NPSR1: variants seen among roughly 807,000 people sequenced by gnomAD.
NPSR1 encodes the protein neuropeptide S receptor 1.
Under a neutral mutation model 46.9 loss-of-function variants are expected in NPSR1, and 48 were observed. The ratio of observed to expected loss-of-function variants is 1.02; its 90% CI spans 0.81 to 1.30. NPSR1 has a LOEUF of 1.30. Ranked by LOEUF, NPSR1 falls within the 50% of genes most tolerant of loss-of-function variation. The probability of loss-of-function intolerance (pLI) is 0.00; values close to 1 mark genes in which losing one functional copy is unlikely to be tolerated. For missense variants in NPSR1, 450 were observed against 449.5 expected, an observed-to-expected ratio of 1.00 and a Z score of -0.01; for synonymous variants, 176 against 168.1, an observed-to-expected ratio of 1.05 and a Z score of -0.36.
intron 2 of NPSR1, among the ~76,000 whole-genome samples, chr7:34,744,412 G>T (rs1785105282): frequency 6.6e-6 from 1 of 152,060 alleles, no homozygotes; most frequent in Non-Finnish European, 1.5e-5. Context: ...CTAACCTTGT[G>T]TCTGGTAGCA....
chr7:34,689,861 T>C (rs1793156507), intron 2 of NPSR1, among the ~76,000 whole-genome samples: 1 of 150,970 alleles, frequency 6.6e-6, no homozygotes, highest in Admixed American at 6.6e-5. Flanking sequence ...GGGAGAATTA[T>C]TGGTGCCCAG....
chr7:34,787,146 C>A (rs1028980712), intron 3 of NPSR1, among the ~76,000 whole-genome samples: 2 of 152,114 alleles, frequency 1.3e-5, no homozygotes, highest in African/African-American at 4.8e-5. Flanking sequence ...CTGTAGCCAC[C>A]TTCATCAGTT....
chr7:34,841,399 C>T (rs1215251576), intron 6 of NPSR1, among the ~76,000 whole-genome samples: 1 of 152,182 alleles, frequency 6.6e-6, no homozygotes, highest in Non-Finnish European at 1.5e-5. Context: ...CAGCATGTGT[C>T]CCCATTAGGG....
intron 8 of NPSR1, chr7:34,849,312 C>A: frequency 6.5e-7 from 1 of 1,527,250 alleles, no homozygotes; most frequent in Non-Finnish European, 8.9e-7. Context: ...GCTTCTTCAT[C>A]TGTAAAACAG....
intron 8 of NPSR1, among the ~76,000 whole-genome samples, chr7:34,861,632 C>T (rs754432461): frequency 6.6e-6 from 1 of 151,720 alleles, no homozygotes; most frequent in Non-Finnish European, 1.5e-5. Context: ...GAGTAGATAC[C>T]AATAAATATT....
chr7:34,770,015 T>C (rs900680119), intron 2 of NPSR1, among the ~76,000 whole-genome samples: 1 of 152,212 alleles, frequency 6.6e-6, no homozygotes, highest in Non-Finnish European at 1.5e-5. Context: ...ATTTGCTTAA[T>C]AGCAACTAAC....
At position 34,751,535 on chromosome 7, in the gene NPSR1, C is replaced by G; in HGVS notation, c.281-26927C>G. The G allele has an allele frequency of 5.7e-6, 9 of 1,570,764 alleles. 1 individual carries two copies. The South Asian group carries it at 1.0e-4, about 17-fold the overall frequency. On this transcript the variant is annotated intron_variant, in intron 2 of 8. Transcript: ENST00000360581. The stretch of plus-strand genomic sequence containing the variant: ...CCCAGCTCCTCCTCCATAGTGGTCT[C>G]GAAACTTGTATTCTTCTCCTTGGGA...
chr7:34,849,184 A>G, intron 8 of NPSR1: 1 of 646,888 alleles, frequency 1.5e-6, no homozygotes, highest in Non-Finnish European at 2.7e-6. Context: ...TAGGAGATAC[A>G]AGAGGAGAAT....
chr7:34,701,288 G>A (rs984005996), intron 2 of NPSR1, among the ~76,000 whole-genome samples: 10 of 152,146 alleles, frequency 6.6e-5, no homozygotes, highest in African/African-American at 2.4e-4. Context: ...CTCTCCCTGG[G>A]AGTTTTATTA....
At chr7:34,809,609 G>A (rs942919909) in intron 3 of NPSR1, among the ~76,000 whole-genome samples, 5 of 151,004 alleles carry the variant, frequency 3.3e-5, no homozygotes, top group Non-Finnish European at 7.4e-5. Context: ...GACTACAGGC[G>A]CCCGCCACTA....
At chr7:34,829,396 A>G (rs756405168) in intron 5 of NPSR1, among the ~76,000 whole-genome samples, 7 of 152,156 alleles carry the variant, frequency 4.6e-5, no homozygotes, top group Non-Finnish European at 8.8e-5. Flanking sequence ...GAAGGAGAAA[A>G]GGTTATTTAG....
intron 3 of NPSR1, among the ~76,000 whole-genome samples, chr7:34,783,162 C>T (rs1426484881): frequency 1.3e-5 from 2 of 152,016 alleles, no homozygotes; most frequent in Non-Finnish European, 2.9e-5. Context: ...AGAAAATGTG[C>T]AATGCATTAG....
chr7:34,851,418 A>G (rs1193207506), downstream of NPSR1, among the ~76,000 whole-genome samples: 2 of 151,900 alleles, frequency 1.3e-5, no homozygotes, highest in Non-Finnish European at 2.9e-5. Context: ...TTATTCTCTG[A>G]ATTTGAGGAG....
In NPSR1 at chr7:34,724,071, A is replaced by T. The variant is rs899772787; in HGVS notation, c.280+39387A>T. Among the ~76,000 whole-genome samples the T allele has an allele frequency of 4.6e-5, 7 of 152,212 alleles. 1 individual carries two copies. Among genetic ancestry groups the T allele is most frequent in the Non-Finnish European group, 1.0e-4 (7 of 68,042 alleles). On this transcript the variant is annotated intron_variant, in intron 2 of 8. Transcript: ENST00000360581. ...TTGTTATCAAGAAAGGAAATCATCC[A>T]TTATACTTTCACTTTCACCTTTGCT...
chr7:34,854,771 A>T (rs1029426437), downstream of NPSR1, among the ~76,000 whole-genome samples: 11 of 152,238 alleles, frequency 7.2e-5, no homozygotes, highest in African/African-American at 2.7e-4. Flanking sequence ...ATCAGGAATG[A>T]TCTGGATAAT....
chr7:34,799,002 T>TA (rs1318590594), intron 3 of NPSR1, among the ~76,000 whole-genome samples: 3 of 151,726 alleles, frequency 2.0e-5, no homozygotes, highest in African/African-American at 4.8e-5. Flanking sequence ...TATTAGAAAA[T>TA]AAAAAAATGT....
intron 8 of NPSR1, among the ~76,000 whole-genome samples, chr7:34,865,080 G>T (rs982694507): frequency 6.6e-6 from 1 of 151,782 alleles, no homozygotes; most frequent in African/African-American, 2.4e-5. Flanking sequence ...GCTGAATGAA[G>T]AGGACTCTCA....
rs149847733 is a variant in NPSR1, at chr7:34,830,420, T to A, written c.680+2818T>A. ...CTTTCATTACAAATGAGATTGAATA[T>A]ATTTTATATGCTTTTTGCCATTTTT... On this transcript the variant is annotated intron_variant, in intron 5 of 8. Transcript: ENST00000360581. Among the ~76,000 whole-genome samples the A allele has an allele frequency of 2.6e-3, 391 of 152,364 alleles. 3 individuals carry two copies. Among genetic ancestry groups the A allele is most frequent in the African/African-American group, 8.9e-3 (369 of 41,572 alleles).
At chr7:34,671,311 T>C (rs962695131) in intron 1 of NPSR1, among the ~76,000 whole-genome samples, 1 of 152,216 alleles carries the variant, frequency 6.6e-6, no homozygotes, top group Admixed American at 6.5e-5. Context: ...TATTTTATCT[T>C]TGTGTAAAAG....
Sources: allele counts gnomAD v4.1 joint callset (sites outside exome capture counted in the v4.1 genomes callset), GRCh38; gene constraint gnomAD v4.1.1; transcripts MANE v1.5; gene names NCBI Gene and HGNC (gene_info 2026-07-23, HGNC 2026-07-21).